The following USP42 variants were observed in gnomAD, a reference collection of about 807,000 sequenced individuals.
USP42 encodes the protein ubiquitin specific peptidase 42, also known as ubiquitin carboxyl-terminal hydrolase 42.
A neutral mutation model predicts 113.0 loss-of-function variants in USP42; 23 were observed. The ratio of observed to expected loss-of-function variants is 0.20; its 90% confidence interval spans 0.15 to 0.29. The LOEUF (loss-of-function observed/expected upper bound fraction) is 0.29. USP42 is among the 10% of genes least tolerant of loss of function. The pLI is 1.00. For missense variants in USP42, 2,174 were observed against 1,779.8 expected (o/e 1.22, Z -3.99); for synonymous variants, 933 against 699.0 (o/e 1.33, Z -5.28).
intron 3 of USP42, among the ~76,000 whole-genome samples, chr7:6,121,859 C>G (rs374964350): frequency 1.3e-5 from 2 of 152,262 alleles, no homozygotes; most frequent in South Asian, 4.1e-4. Flanking sequence ...CGAGGTCTCA[C>G]TATGTTGCCC....
At chr7:6,085,804 G>A in the USP42 span, among the ~76,000 whole-genome samples, 3 of 150,066 alleles carry the variant, frequency 2.0e-5, no homozygotes, top group South Asian at 2.1e-4. Context: ...TAGTAGAGAC[G>A]GGATCTCACC....
chr7:6,089,781 T>C, the USP42 span, among the ~76,000 whole-genome samples: 2 of 150,476 alleles, frequency 1.3e-5, no homozygotes. Flanking sequence ...TCTGCCCACC[T>C]TGGCCTCCCA....
chr7:6,148,624 C>T (rs554172616), intron 12 of USP42, among the ~76,000 whole-genome samples: 128 of 152,264 alleles, frequency 8.4e-4, no homozygotes, highest in Non-Finnish European at 1.6e-3. Context: ...TTGGTCCTGT[C>T]GGGGCGAACA....
the USP42 span, among the ~76,000 whole-genome samples, chr7:6,084,028 T>C: frequency 6.6e-6 from 1 of 151,070 alleles, no homozygotes; most frequent in Non-Finnish European, 1.5e-5. Flanking sequence ...AAGAGGGTTT[T>C]TGTTTTGTTT....
chr7:6,104,875 G>A (rs1779167647), upstream of USP42: 1 of 146,896 alleles, frequency 6.8e-6, no homozygotes. Context: ...GCGCCCCCCG[G>A]CGGCCCGGAG....
chr7:6,130,929 A>G (rs1199596375), intron 3 of USP42, among the ~76,000 whole-genome samples: 1 of 152,118 alleles, frequency 6.6e-6, no homozygotes, highest in Admixed American at 6.6e-5. Context: ...GGCAGGGGGA[A>G]GAATTTGGGA....
chr7:6,126,337 T>C (rs1246781295), intron 3 of USP42, among the ~76,000 whole-genome samples: 9 of 150,784 alleles, frequency 6.0e-5, no homozygotes, highest in Non-Finnish European at 1.5e-5. Context: ...CAGGCTGGAG[T>C]GCAGTGGCAC....
chr7:6,128,943 C>T (rs756345033), intron 3 of USP42, among the ~76,000 whole-genome samples: 11 of 152,082 alleles, frequency 7.2e-5, no homozygotes, highest in South Asian at 2.1e-4. Flanking sequence ...GCCTCAGCCC[C>T]GCAAGTGGCT....
the USP42 span, among the ~76,000 whole-genome samples, chr7:6,090,300 C>CA: frequency 1.5e-3 from 159 of 103,054 alleles, 3 homozygotes; most frequent in African/African-American, 2.8e-3. Context: ...AACTCTGTCT[C>CA]AAAAAAAAAA....
rs72036975 is a variant in USP42, at chr7:6,153,302, C to CAA, written c.2202-443_2202-442dup. Among the ~76,000 whole-genome samples, 1,109 of 133,136 alleles carry CAA rather than the reference C, an allele frequency of 8.3e-3. 15 individuals are homozygous for CAA. Among genetic ancestry groups the CAA allele is most frequent in the East Asian group, 0.027 (133 of 4,854 alleles). The allele number at this position is 133,136 out of a possible 152,430, so 87.3% of individuals were successfully genotyped here. On this transcript the variant is annotated intron_variant, in intron 14 of 17. Transcript: ENST00000306177. ...AAAAACAAAACAAAATGAAACAAAACAAAAAAAAAAAATAGAGGAATTGGA... is the reference window on the plus strand; with the variant it reads ...AAAAACAAAACAAAATGAAACAAAACAAAAAAAAAAAAAATAGAGGAATTGGA...
chr7:6,102,412 TCTA>T (rs1292784084), upstream of USP42, among the ~76,000 whole-genome samples: 1 of 149,310 alleles, frequency 6.7e-6, no homozygotes, highest in Non-Finnish European at 1.5e-5. Context: ...ACGCCCAGAT[TCTA>T]CTAAGATTTA....
chr7:6,108,075 C>T (rs977490092), intron 1 of USP42, among the ~76,000 whole-genome samples: 17 of 151,874 alleles, frequency 1.1e-4, no homozygotes, highest in East Asian at 3.9e-4. Context: ...TCCCAGCTAC[C>T]CTGGAGGCTG....
Position 6,150,081 on chromosome 7 carries a change from G to T in USP42, c.1885G>T (p.Gly629Cys). The change falls in exon 13 of 18, where the codon GGT becomes TGT. Residue 629 changes from glycine (G) to cysteine (C), a missense_variant. By Grantham distance (159) the Gly-to-Cys change is radical (BLOSUM62 -3). Transcript: ENST00000306177. The part of the protein sequence containing the change: ...SKGLGKENGI[G>C]TIVSSHSPGQ... ...GGGGCTGGGCAAGGAGAATGGGATT[G>T]GTACGATTGTGAGCTCCCACTCTCC... 6.2e-7 allele frequency: 1 copy of T among 1,609,556 alleles called. No individual in the cohort carries two copies. Among genetic ancestry groups the T allele is most frequent in the East Asian group, 2.2e-5 (1 of 44,668 alleles).
chr7:6,131,408 A>G (rs1422953730), intron 3 of USP42, among the ~76,000 whole-genome samples: 1 of 152,066 alleles, frequency 6.6e-6, no homozygotes, highest in Non-Finnish European at 1.5e-5. Flanking sequence ...TGGGAGGTAG[A>G]GGCTGCAGTG....
chr7:6,127,253 CA>C (rs1362468078), intron 3 of USP42, among the ~76,000 whole-genome samples: 1 of 152,160 alleles, frequency 6.6e-6, no homozygotes, highest in Non-Finnish European at 1.5e-5. Flanking sequence ...TGTCTTCATC[CA>C]CTTAGTGGTT....
At position 6,149,667 on chromosome 7, in the gene USP42, A is replaced by C. The variant is rs1330676754; in HGVS notation, c.1471A>C (p.Asn491His). The change falls in exon 13 of 18, where the codon AAC (asparagine) becomes CAC (histidine). Residue 491 changes from asparagine to histidine, a missense_variant. Physicochemically the swap from Asn to His is moderately conservative, Grantham distance 68 (BLOSUM62 1). Coordinates refer to ENST00000306177, the MANE Select transcript of USP42 (RefSeq NM_032172.3). Reference protein sequence around the residue: ...MSSPNGNSSVNRASPVNASAS... With the variant: ...MSSPNGNSSVHRASPVNASAS... ...GAGTCCTAACGGGAATTCCAGTGTC[A>C]ACAGGGCTAGTCCTGTTAATGCTTC... 6.2e-7 allele frequency: 1 copy of C among 1,613,872 alleles called. No homozygotes were observed. Among genetic ancestry groups the C allele is most frequent in the African/African-American group, 1.3e-5 (1 of 74,924 alleles).
At position 6,139,696 on chromosome 7, in the gene USP42, T is replaced by C. The variant is rs1781340244; in HGVS notation, c.657-432T>C. 1 of 237,216 alleles carries C rather than the reference T, an allele frequency of 4.2e-6. No homozygotes were observed. 14.7% of individuals were successfully genotyped at this position (237,216 alleles called of 1,614,324 possible). A position where few individuals can be genotyped will look rare whatever the true frequency, so the allele number is the denominator to read the frequency against. On this transcript the variant is annotated intron_variant, in intron 5 of 17. Coordinates refer to ENST00000306177, the MANE Select transcript of USP42 (RefSeq NM_032172.3). The surrounding 1 kb of genome is among the most constrained non-coding windows in gnomAD (Gnocchi z 4.5). ...GGTGCTGTCTGAGACACCTGGTAGA[T>C]CTCCCTCTGCATTCTCCCTGCCCTG...
chr7:6,133,664 C>T (rs1780972915), intron 3 of USP42, among the ~76,000 whole-genome samples: 1 of 151,868 alleles, frequency 6.6e-6, no homozygotes, highest in East Asian at 1.9e-4. Flanking sequence ...AGACTACAAG[C>T]ACGTGCCACC....
the USP42 span, among the ~76,000 whole-genome samples, chr7:6,096,334 C>T: frequency 9.3e-5 from 14 of 150,998 alleles, no homozygotes; most frequent in Non-Finnish European, 2.1e-4. Flanking sequence ...CAGAGTCTCC[C>T]CAAGGGAAAG....
Sources: allele counts gnomAD v4.1 joint callset (sites outside exome capture counted in the v4.1 genomes callset), GRCh38; gene constraint gnomAD v4.1.1; non-coding constraint Gnocchi (gnomAD v3.1); transcripts MANE v1.5; gene names NCBI Gene and HGNC (gene_info 2026-07-23, HGNC 2026-07-21).